GABRB2: variants seen among roughly 807,000 people sequenced by gnomAD.
GABRB2 encodes the protein gamma-aminobutyric acid receptor subunit beta-2.
Under a neutral mutation model 54.7 loss-of-function variants are expected in GABRB2, and 16 were observed. The ratio of observed to expected loss-of-function variants is 0.29; its 90% CI spans 0.20 to 0.44. GABRB2 has a LOEUF of 0.44. Among genes scored for constraint, GABRB2 ranks in the 20% least tolerant of loss-of-function variants. GABRB2 has a pLI of 1.00. For synonymous variants in GABRB2, 244 were observed against 233.8 expected (o/e 1.04, Z -0.40); for missense variants, 355 against 644.0 (o/e 0.55, Z 4.86).
At chr5:161,522,736 G>A (rs1228539710) in intron 3 of GABRB2, among the ~76,000 whole-genome samples, 1 of 151,570 alleles carries the variant, frequency 6.6e-6, no homozygotes, top group Non-Finnish European at 1.5e-5. Flanking sequence ...TCATGAGTGA[G>A]TAGGTGTATC....
At chr5:161,518,303 T>C (rs1760012885) in intron 3 of GABRB2, among the ~76,000 whole-genome samples, 1 of 152,114 alleles carries the variant, frequency 6.6e-6, no homozygotes, top group Admixed American at 6.5e-5. Context: ...AAAATTCCAA[T>C]GGCTTAAAAA....
At chr5:161,345,849 T>C (rs192820188) in intron 5 of GABRB2, among the ~76,000 whole-genome samples, 1 of 152,090 alleles carries the variant, frequency 6.6e-6, no homozygotes, top group African/African-American at 2.4e-5. Context: ...TATAGCTCTT[T>C]TCCTTCTTAA....
At chr5:161,392,917 T>C (rs1360369481) in intron 5 of GABRB2, among the ~76,000 whole-genome samples, 3 of 152,154 alleles carry the variant, frequency 2.0e-5, no homozygotes, top group Non-Finnish European at 2.9e-5. Context: ...TATTCTTGTA[T>C]ATTATTCAAA....
chr5:161,492,995 A>G (rs986472185), intron 3 of GABRB2, among the ~76,000 whole-genome samples: 8 of 151,822 alleles, frequency 5.3e-5, no homozygotes, highest in Admixed American at 5.3e-4. Flanking sequence ...CATTGCAAAT[A>G]TATATTTTTG....
At chr5:161,410,474 C>T (rs1756478010) in intron 5 of GABRB2, among the ~76,000 whole-genome samples, 2 of 151,824 alleles carry the variant, frequency 1.3e-5, no homozygotes, top group Admixed American at 6.6e-5. Flanking sequence ...ACTTTAGAGA[C>T]TGAAAATAGT....
chr5:161,415,259 T>C (rs963112650), intron 4 of GABRB2, among the ~76,000 whole-genome samples: 2 of 152,198 alleles, frequency 1.3e-5, no homozygotes, highest in African/African-American at 2.4e-5. Context: ...AAGTCGTCTA[T>C]AGTTAAAAGT....
intron 4 of GABRB2, among the ~76,000 whole-genome samples, chr5:161,430,881 A>G (rs572879595): frequency 1.3e-5 from 2 of 152,296 alleles, no homozygotes; most frequent in East Asian, 3.9e-4. Context: ...AGAATAGGTT[A>G]TGCATGGTAT....
intron 3 of GABRB2, among the ~76,000 whole-genome samples, chr5:161,487,386 C>T (rs779545309): frequency 6.6e-6 from 1 of 151,880 alleles, no homozygotes; most frequent in Non-Finnish European, 1.5e-5. Context: ...TTGTCATTCC[C>T]ATTGCCCACA....
intron 7 of GABRB2, among the ~76,000 whole-genome samples, chr5:161,332,113 C>T (rs1273457621): frequency 1.4e-5 from 2 of 141,802 alleles, no homozygotes; most frequent in Non-Finnish European, 3.0e-5. Context: ...TTGCAGTGAG[C>T]CGAGATTGCG....
At chr5:161,525,515 A>G (rs1760250768) in intron 3 of GABRB2, among the ~76,000 whole-genome samples, 1 of 151,326 alleles carries the variant, frequency 6.6e-6, no homozygotes, top group Non-Finnish European at 1.5e-5. Flanking sequence ...AAAAGACCAC[A>G]CTTCTCTTGA....
intron 5 of GABRB2, among the ~76,000 whole-genome samples, chr5:161,355,333 A>G (rs977641382): frequency 1.3e-5 from 2 of 148,494 alleles, no homozygotes; most frequent in African/African-American, 4.9e-5. Flanking sequence ...ATATTATATA[A>G]CATATGGTAT....
At chr5:161,394,615 G>T (rs540569041) in intron 5 of GABRB2, among the ~76,000 whole-genome samples, 1 of 152,014 alleles carries the variant, frequency 6.6e-6, no homozygotes, top group Non-Finnish European at 1.5e-5. Context: ...AAAAATTATT[G>T]AGAACTAAAA....
At chr5:161,481,773 T>C (rs2078046784) in intron 3 of GABRB2, among the ~76,000 whole-genome samples, 1 of 151,932 alleles carries the variant, frequency 6.6e-6, no homozygotes, top group South Asian at 2.1e-4. Flanking sequence ...GGCAGAGTGG[T>C]TAATGTGCTT....
At chr5:161,300,728 G>C (rs60587044) in intron 9 of GABRB2, among the ~76,000 whole-genome samples, 2 of 152,158 alleles carry the variant, frequency 1.3e-5, no homozygotes, top group Admixed American at 1.3e-4. Context: ...ATGAATCTCA[G>C]TAATCTGCAT....
chr5:161,352,179 T>A (rs1754489416), intron 5 of GABRB2, among the ~76,000 whole-genome samples: 1 of 152,006 alleles, frequency 6.6e-6, no homozygotes, highest in African/African-American at 2.4e-5. Context: ...ACCATATATA[T>A]GACCCAGCGA....
intron 4 of GABRB2, among the ~76,000 whole-genome samples, chr5:161,456,970 G>A (rs1040149772): frequency 6.6e-6 from 1 of 152,226 alleles, no homozygotes; most frequent in South Asian, 2.1e-4. Flanking sequence ...TAGAATAAAA[G>A]CTAACTTTAA....
chr5:161,322,870 T>G (rs1043461732), intron 9 of GABRB2, among the ~76,000 whole-genome samples: 2 of 152,168 alleles, frequency 1.3e-5, no homozygotes, highest in African/African-American at 4.8e-5. Flanking sequence ...TAATCGCTTC[T>G]TGTTTATTAT....
chr5:161,326,903 A>T, intron 8 of GABRB2: 1 of 736,664 alleles, frequency 1.4e-6, no homozygotes, highest in Non-Finnish European at 1.7e-6. Context: ...TTGATTCTCA[A>T]ATATGCGTGT....
At chr5:161,474,559 G>A (rs1758538840) in intron 3 of GABRB2, among the ~76,000 whole-genome samples, 1 of 151,820 alleles carries the variant, frequency 6.6e-6, no homozygotes, top group Non-Finnish European at 1.5e-5. Flanking sequence ...AGGTAGCATG[G>A]CAATTTACTT....
Sources: gnomAD v4.1 joint callset for allele counts (sites outside exome capture counted in the v4.1 genomes callset) on GRCh38, gnomAD v4.1.1 for gene constraint, MANE v1.5 for transcripts, NCBI Gene and HGNC (gene_info 2026-07-23, HGNC 2026-07-21) for gene names.